Variants in FOXP1 observed in about 807,000 individuals in gnomAD.
The protein encoded by FOXP1 is forkhead box P1.
A neutral mutation model predicts 98.2 loss-of-function variants in FOXP1; 15 were observed. That is an observed-to-expected ratio of 0.15 (90% confidence interval 0.10 to 0.24). FOXP1 has a LOEUF of 0.24. FOXP1 is among the 10% of genes least tolerant of loss of function. FOXP1 has a pLI of 1.00. For synonymous variants in FOXP1, 371 were observed against 314.5 expected (o/e 1.18, Z -1.90); for missense variants, 633 against 848.5 (o/e 0.75, Z 3.15).
chr3:71,580,878 C>T (rs1479336623), intron 2 of FOXP1: 1 of 985,334 alleles, frequency 1.0e-6, no homozygotes, highest in Non-Finnish European at 1.2e-6. Flanking sequence ...ATCCAGAATG[C>T]TCCTCCGGCA....
At chr3:71,069,722 C>T (rs1188857448) in intron 7 of FOXP1, among the ~76,000 whole-genome samples, 1 of 152,110 alleles carries the variant, frequency 6.6e-6, no homozygotes, top group Non-Finnish European at 1.5e-5. Flanking sequence ...GGCAAACCCT[C>T]GATTTTTAAG....
chr3:71,232,370 C>A (rs1022765429), intron 5 of FOXP1, among the ~76,000 whole-genome samples: 21 of 152,254 alleles, frequency 1.4e-4, no homozygotes, highest in African/African-American at 4.8e-4. Context: ...TTAGCAATGT[C>A]TGCTATGAGA....
chr3:71,093,394 T>C (rs1053669943), intron 7 of FOXP1, among the ~76,000 whole-genome samples: 1 of 150,002 alleles, frequency 6.7e-6, no homozygotes, highest in East Asian at 2.0e-4. Flanking sequence ...ACTGGCCACA[T>C]ATGGCTATTT....
chr3:71,545,106 AT>A (rs35826828), intron 2 of FOXP1, among the ~76,000 whole-genome samples: 17 of 141,876 alleles, frequency 1.2e-4, no homozygotes, highest in Non-Finnish European at 2.1e-4. Context: ...TTTTTTTTTT[AT>A]TAAAAATAAC....
At chr3:71,564,389 G>C (rs140213343) in intron 2 of FOXP1, among the ~76,000 whole-genome samples, 1 of 152,172 alleles carries the variant, frequency 6.6e-6, no homozygotes, top group Admixed American at 6.5e-5. Context: ...CATTCCACAT[G>C]GATTATCTCA....
chr3:70,964,695 TAA>T (rs1380411347), intron 20 of FOXP1, among the ~76,000 whole-genome samples: 3 of 152,206 alleles, frequency 2.0e-5, no homozygotes, highest in African/African-American at 7.2e-5. Flanking sequence ...AACACACTCT[TAA>T]AATGCTGTGA....
intron 6 of FOXP1, among the ~76,000 whole-genome samples, chr3:71,123,084 T>C (rs186727077): frequency 1.3e-5 from 2 of 152,222 alleles, no homozygotes; most frequent in Non-Finnish European, 2.9e-5. Flanking sequence ...CATAACCATA[T>C]CCACAAGTCT....
chr3:71,057,165 C>T (rs745802264), intron 7 of FOXP1, among the ~76,000 whole-genome samples: 5 of 152,052 alleles, frequency 3.3e-5, no homozygotes, highest in Non-Finnish European at 5.9e-5. Flanking sequence ...TTCAAAATTA[C>T]ACTTTGATTC....
intron 6 of FOXP1, among the ~76,000 whole-genome samples, chr3:71,161,064 T>A (rs542472803): frequency 6.6e-6 from 1 of 152,310 alleles, no homozygotes; most frequent in East Asian, 1.9e-4. Context: ...TAATCATTTT[T>A]GTGGGTTTCT....
chr3:71,046,662 G>GT lies in FOXP1; in HGVS notation c.664+279dup, dbSNP rs2049074180. Among the ~76,000 whole-genome samples, 3 of 152,182 alleles carry GT rather than the reference G, an allele frequency of 2.0e-5. 1 individual carries two copies. The South Asian group carries it at 6.2e-4, about 31-fold the overall frequency. ...CTGCAAGAGTCCATTAAAATGCTCA[G>GT]TAAGTGAAAAGTAGCGCCTCATTCT... On this transcript the variant is annotated intron_variant, in intron 10 of 20. Coordinates refer to ENST00000649528, the MANE Select transcript of FOXP1 (RefSeq NM_001349338.3).
intron 19 of FOXP1, among the ~76,000 whole-genome samples, chr3:70,967,696 T>TG (rs2035189058): frequency 1.9e-5 from 2 of 105,004 alleles, no homozygotes; most frequent in South Asian, 3.0e-4. Flanking sequence ...TGTTTTTTTT[T>TG]TTTGTTTTTT....
chr3:71,266,095 A>G (rs2069624566), intron 5 of FOXP1, among the ~76,000 whole-genome samples: 1 of 152,140 alleles, frequency 6.6e-6, no homozygotes, highest in South Asian at 2.1e-4. Context: ...AGATGGATGA[A>G]GAGTTAACAC....
chr3:71,415,496 CAAAAAAGGAATGT>C (rs2083144133), intron 3 of FOXP1, among the ~76,000 whole-genome samples: 1 of 151,920 alleles, frequency 6.6e-6, no homozygotes, highest in African/African-American at 2.4e-5. Context: ...ACTATCTGAG[CAAAAAAGGAATGT>C]AGAAATCATG....
intron 13 of FOXP1, among the ~76,000 whole-genome samples, chr3:70,996,055 C>A (rs984024925): frequency 2.6e-5 from 4 of 152,160 alleles, no homozygotes; most frequent in African/African-American, 9.7e-5. Context: ...GGCGCAATCT[C>A]GGGTCACTGC....
At chr3:71,224,792 G>A (rs1296766911) in intron 5 of FOXP1, among the ~76,000 whole-genome samples, 1 of 152,174 alleles carries the variant, frequency 6.6e-6, no homozygotes, top group Non-Finnish European at 1.5e-5. Flanking sequence ...AGCACTGTAG[G>A]CCAAGGACAC....
At chr3:70,972,759 C>G (rs1411531151) in intron 17 of FOXP1, 83 bp from the exon 18 acceptor site, 14 of 1,420,198 alleles carry the variant, frequency 9.9e-6, no homozygotes, top group Non-Finnish European at 1.3e-5. Context: ...GCCTAACAGT[C>G]CACATTTGTA....
At chr3:71,233,115 A>G (rs2066464167) in intron 5 of FOXP1, among the ~76,000 whole-genome samples, 1 of 151,678 alleles carries the variant, frequency 6.6e-6, no homozygotes, top group African/African-American at 2.4e-5. Context: ...ACTGCACTCC[A>G]GCCTAGGCAA....
chr3:71,425,096 T>G (rs1458446558), intron 3 of FOXP1, among the ~76,000 whole-genome samples: 1 of 109,116 alleles, frequency 9.2e-6, no homozygotes, highest in Non-Finnish European at 2.2e-5. Context: ...CATTTTCCTG[T>G]TTTTTTTTGT....
At chr3:70,983,674 G>C (rs562322645) in intron 14 of FOXP1, among the ~76,000 whole-genome samples, 1 of 152,282 alleles carries the variant, frequency 6.6e-6, no homozygotes. Flanking sequence ...TCCAGGAGCA[G>C]AAGTTGTTCT....
Sources: gnomAD v4.1 joint callset for allele counts (sites outside exome capture counted in the v4.1 genomes callset) on GRCh38, gnomAD v4.1.1 for gene constraint, MANE v1.5 for transcripts, NCBI Gene and HGNC (gene_info 2026-07-23, HGNC 2026-07-21) for gene names.